The following MPP4 variants were observed in gnomAD, a reference collection of about 807,000 sequenced individuals.
MPP4 encodes the protein MAGUK p55 scaffold protein 4.
MPP4 carries 91 observed loss-of-function variants against 98.3 expected under a neutral mutation model. The observed-to-expected ratio is 0.93, with a 90% CI of 0.78 to 1.10. MPP4 has a LOEUF of 1.10. Ranked by LOEUF, MPP4 falls within the 50% of genes least tolerant of loss-of-function variation. MPP4 has a pLI of 0.00. For synonymous variants in MPP4, 261 were observed against 271.8 expected (o/e 0.96, Z 0.39); for missense variants, 744 against 792.9 (o/e 0.94, Z 0.74).
chr2:201,646,211 G>T (rs1351125845), intron 21 of MPP4, among the ~76,000 whole-genome samples: 1 of 151,902 alleles, frequency 6.6e-6, no homozygotes, highest in Admixed American at 6.6e-5. Flanking sequence ...TAAAACCAAA[G>T]AAAATGTACC....
chr2:201,687,360 T>C lies in MPP4; in HGVS notation c.291A>G (p.Leu97=). ...AQVLSYEVVE[L]LRETPTSPEI... ...CAGGGGAAGTAGGGGTTTCACGTAA[T>C]AACTCCACTACCTGGTTCATGGAAA... The change falls in exon 5 of 22, where the codon TTA becomes TTG. Residue 97 remains leucine (L), a synonymous_variant. Transcript: ENST00000409474. The C allele has an allele frequency of 1.3e-6, 2 of 1,577,348 alleles. No homozygotes were observed. The highest frequency in any genetic ancestry group is 1.7e-6 in the Non-Finnish European group (2 of 1,159,674).
chr2:201,697,312 A>G (rs1468261215), intron 1 of MPP4, among the ~76,000 whole-genome samples: 1 of 152,188 alleles, frequency 6.6e-6, no homozygotes, highest in Non-Finnish European at 1.5e-5. Context: ...ATAGAAAAAA[A>G]CTTCCAGAAA....
In MPP4 at chr2:201,652,788, G is replaced by C. The variant is rs191947901; in HGVS notation, c.1381+2049C>G. Among the ~76,000 whole-genome samples the C allele has an allele frequency of 2.1e-3, 316 of 152,260 alleles. 1 individual carries two copies. Among genetic ancestry groups the C allele is most frequent in the Non-Finnish European group, 3.3e-3 (223 of 68,024 alleles). On this transcript the variant is annotated intron_variant, in intron 18 of 21. Transcript: ENST00000409474. ...CTCCTGCTTCTCTCTGCCCCCGATA[G>C]ATCTCACTTCCACTGGTTTAGAACT...
In MPP4 at chr2:201,647,842, A is replaced by C; in HGVS notation, c.1585-17T>G. 1 of 1,592,640 alleles carries C rather than the reference A, an allele frequency of 6.3e-7. No homozygotes were observed. Among genetic ancestry groups the C allele is most frequent in the Non-Finnish European group, 8.6e-7 (1 of 1,167,116 alleles). On this transcript the variant is annotated splice_polypyrimidine_tract_variant and intron_variant, in intron 20 of 21. Coordinates refer to ENST00000409474, the MANE Select transcript of MPP4 (RefSeq NM_033066.3). ...TTGAATATCCTACACAGAAAATTTA[A>C]ATGCACATTTATTTTTTGTTTGTTT...
At chr2:201,686,365 T>C (rs1688834425) in intron 5 of MPP4, among the ~76,000 whole-genome samples, 1 of 152,226 alleles carries the variant, frequency 6.6e-6, no homozygotes, top group African/African-American at 2.4e-5. Context: ...GCCCATGTAA[T>C]CTGTGATGCC....
At chr2:201,670,491 A>C (rs138944948) in intron 11 of MPP4, among the ~76,000 whole-genome samples, 191 of 152,348 alleles carry the variant, frequency 1.3e-3, no homozygotes, top group African/African-American at 4.4e-3. Context: ...TTGTGAGGAT[A>C]ATAATAGAAT....
intron 18 of MPP4, 105 bp downstream of exon 18, chr2:201,654,732 G>T: frequency 1.6e-6 from 1 of 644,228 alleles, no homozygotes; most frequent in Non-Finnish European, 2.5e-6. Flanking sequence ...ACTATCCCTG[G>T]TGTTGTATAC....
At chr2:201,684,961 G>GA (rs71025250) in intron 7 of MPP4, 103 bp downstream of exon 7, 13,479 of 647,726 alleles carry the variant, frequency 0.021, 1 homozygote, top group East Asian at 0.03. Context: ...AAAAAAAAAA[G>GA]AAAAAAAAAA....
At chr2:201,664,580 G>A (rs1337867353) in intron 13 of MPP4, among the ~76,000 whole-genome samples, 1 of 152,140 alleles carries the variant, frequency 6.6e-6, no homozygotes, top group Non-Finnish European at 1.5e-5. Context: ...TTGATCAGGT[G>A]GCTGAGAAGG....
At chr2:201,657,590 G>GTTTTTTTTGTTTTTTT (rs1687884945) in intron 16 of MPP4, among the ~76,000 whole-genome samples, 4 of 91,122 alleles carry the variant, frequency 4.4e-5, no homozygotes, top group Non-Finnish European at 6.7e-5. Context: ...CCTGGCCCTT[G>GTTTTTTTTGTTTTTTT]TTTTTTTTTT....
intron 14 of MPP4, among the ~76,000 whole-genome samples, chr2:201,663,052 T>C (rs1424797656): frequency 6.6e-6 from 1 of 152,236 alleles, no homozygotes. Flanking sequence ...GTTTATTTAC[T>C]AGCAATATCG....
intron 10 of MPP4, 93 bp downstream of exon 10, chr2:201,680,745 T>C (rs1688642000): frequency 8.7e-7 from 1 of 1,154,754 alleles, no homozygotes; most frequent in South Asian, 1.5e-5. Flanking sequence ...TGCTTGTCCC[T>C]CTTTATCTCA....
intron 12 of MPP4, among the ~76,000 whole-genome samples, chr2:201,668,136 G>A (rs1293555942): frequency 6.6e-6 from 1 of 152,026 alleles, no homozygotes; most frequent in Admixed American, 6.6e-5. Context: ...AAAAAACCAG[G>A]CATGATTATC....
rs11400020 is a variant in MPP4 at position 201,661,220 on chromosome 2, C to CTT, written c.1073-876_1073-875dup. Reference sequence around the variant, plus strand: ...AGAGGCGTGAGCCACCATATCCAGCCTTTTTTTTTTTTTTAATGACGCTTC... The same window carrying CTT: ...AGAGGCGTGAGCCACCATATCCAGCCTTTTTTTTTTTTTTTTAATGACGCTTC... On this transcript the variant is annotated intron_variant, in intron 14 of 21. Transcript: ENST00000409474. 1.1e-3 allele frequency among the ~76,000 whole-genome samples: 156 copies of CTT among 140,702 alleles called. 2 individuals are homozygous for CTT. Among genetic ancestry groups the CTT allele is most frequent in the Non-Finnish European group, 1.3e-3 (83 of 65,322 alleles). The allele number at this position is 140,702 out of a possible 152,430, so 92.3% of individuals were successfully genotyped here.
chr2:201,691,230 C>T (rs924673159), intron 3 of MPP4, among the ~76,000 whole-genome samples: 2 of 152,146 alleles, frequency 1.3e-5, no homozygotes, highest in East Asian at 1.9e-4. Flanking sequence ...ATAACAGGTG[C>T]TATGAGGAGT....
chr2:201,664,001 T>TTGG (rs1688094949), intron 14 of MPP4, 80 bp downstream of exon 14: 1 of 1,054,066 alleles, frequency 9.5e-7, no homozygotes, highest in Non-Finnish European at 1.3e-6. Flanking sequence ...TAAACAGTTA[T>TTGG]TATAAATATG....
intron 11 of MPP4, among the ~76,000 whole-genome samples, chr2:201,670,849 C>T (rs780111434): frequency 6.6e-6 from 1 of 152,188 alleles, no homozygotes; most frequent in South Asian, 2.1e-4. Context: ...GCATTTCCAA[C>T]TAAGGTACCC....
At chr2:201,678,577 G>T (rs948578317) in intron 10 of MPP4, among the ~76,000 whole-genome samples, 2 of 152,158 alleles carry the variant, frequency 1.3e-5, no homozygotes, top group African/African-American at 2.4e-5. Flanking sequence ...CGGAGGCTCT[G>T]CTGATTTCTA....
At chr2:201,651,040 G>A (rs1192122067) in intron 18 of MPP4, 5 of 985,268 alleles carry the variant, frequency 5.1e-6, no homozygotes, top group Non-Finnish European at 6.0e-6. Flanking sequence ...ACAAAGATGA[G>A]TAAGACAGTT....
Sources: gnomAD v4.1 joint callset for allele counts (sites outside exome capture counted in the v4.1 genomes callset) on GRCh38, gnomAD v4.1.1 for gene constraint, MANE v1.5 for transcripts, NCBI Gene and HGNC (gene_info 2026-07-23, HGNC 2026-07-21) for gene names.